Variants in PRR16 observed in about 807,000 individuals in gnomAD.
The protein encoded by PRR16 is protein Largen.
In PRR16, 6 loss-of-function variants were observed where a neutral mutation model predicts 18.2. The ratio of observed to expected loss-of-function variants is 0.33; its 90% CI spans 0.18 to 0.65. PRR16 has a LOEUF of 0.65. PRR16 is among the 30% of genes least tolerant of loss of function. The probability of loss-of-function intolerance (pLI) is 0.74; values close to 1 mark genes in which losing one functional copy is unlikely to be tolerated. For missense variants in PRR16, 412 were observed against 376.6 expected, an observed-to-expected ratio of 1.09 and a Z score of -0.78; for synonymous variants, 151 against 147.8, an observed-to-expected ratio of 1.02 and a Z score of -0.16.
chr5:120,642,971 C>G (rs1755472053), intron 1 of PRR16, among the ~76,000 whole-genome samples: 2 of 151,982 alleles, frequency 1.3e-5, no homozygotes. Context: ...TCTTTCTGCC[C>G]ATAGTTAGTC....
the PRR16 span, among the ~76,000 whole-genome samples, chr5:120,775,694 A>G: frequency 1.4e-5 from 2 of 144,294 alleles, no homozygotes; most frequent in African/African-American, 5.2e-5. Flanking sequence ...GCAATGGCAC[A>G]TTCTCGGCTC....
downstream of PRR16, among the ~76,000 whole-genome samples, chr5:120,688,848 T>C (rs1223084910): frequency 1.3e-5 from 2 of 152,186 alleles, no homozygotes; most frequent in African/African-American, 2.4e-5. Flanking sequence ...AATTTAATCG[T>C]TCAAGCTGGT....
chr5:120,665,414 T>G (rs1014353129), intron 1 of PRR16, among the ~76,000 whole-genome samples: 3 of 152,004 alleles, frequency 2.0e-5, no homozygotes, highest in African/African-American at 7.2e-5. Context: ...GGTTGCCTGT[T>G]CACTCTGATG....
At chr5:120,609,150 A>G (rs987409002) in intron 1 of PRR16, among the ~76,000 whole-genome samples, 6 of 152,006 alleles carry the variant, frequency 3.9e-5, no homozygotes, top group Admixed American at 1.3e-4. Context: ...TATTTGTACA[A>G]TTCAATTGTT....
chr5:120,595,017 T>G (rs929203793), intron 1 of PRR16, among the ~76,000 whole-genome samples: 2 of 151,982 alleles, frequency 1.3e-5, no homozygotes, highest in Non-Finnish European at 2.9e-5. Context: ...GAAGATAACC[T>G]AGGAAATATA....
At chr5:120,653,102 A>C (rs934580798) in intron 1 of PRR16, among the ~76,000 whole-genome samples, 1 of 151,992 alleles carries the variant, frequency 6.6e-6, no homozygotes, top group African/African-American at 2.4e-5. Context: ...AATTCATGCT[A>C]TTATAAATCA....
chr5:120,633,657 C>A (rs952223799), intron 1 of PRR16, among the ~76,000 whole-genome samples: 8 of 151,992 alleles, frequency 5.3e-5, no homozygotes, highest in African/African-American at 1.9e-4. Context: ...AAAGAACTAG[C>A]CTGACAGGAA....
chr5:120,643,698 A>G (rs1164609731), intron 1 of PRR16, among the ~76,000 whole-genome samples: 1 of 152,068 alleles, frequency 6.6e-6, no homozygotes, highest in Non-Finnish European at 1.5e-5. Context: ...AGAATTGAAG[A>G]TAACCTTAAA....
the PRR16 span, among the ~76,000 whole-genome samples, chr5:120,783,969 T>C: frequency 6.6e-6 from 1 of 152,166 alleles, no homozygotes; most frequent in East Asian, 1.9e-4. Flanking sequence ...TGTGTATTTG[T>C]CTTGCTGTGG....
chr5:120,761,960 G>A, the PRR16 span, among the ~76,000 whole-genome samples: 44 of 151,952 alleles, frequency 2.9e-4, no homozygotes, highest in African/African-American at 8.4e-4. Flanking sequence ...ATATATGAGC[G>A]AAAATATGCA....
intron 1 of PRR16, among the ~76,000 whole-genome samples, chr5:120,586,439 A>G (rs75735791): frequency 0.056 from 8,495 of 152,190 alleles, 314 homozygotes; most frequent in South Asian, 0.082. Context: ...TTTTTCACCA[A>G]TTGAAGGTTT....
the PRR16 span, among the ~76,000 whole-genome samples, chr5:120,776,738 A>T: frequency 6.6e-6 from 1 of 152,146 alleles, no homozygotes; most frequent in Non-Finnish European, 1.5e-5. Context: ...CTTCATTGCA[A>T]TCTTTGTTAA....
intron 1 of PRR16, among the ~76,000 whole-genome samples, chr5:120,642,505 G>A (rs1464709860): frequency 1.3e-5 from 2 of 151,906 alleles, no homozygotes; most frequent in Non-Finnish European, 2.9e-5. Context: ...GAAAATCGCT[G>A]ATCTGTATAA....
the PRR16 span, among the ~76,000 whole-genome samples, chr5:120,759,700 T>G: frequency 6.6e-6 from 1 of 152,168 alleles, no homozygotes; most frequent in Non-Finnish European, 1.5e-5. Flanking sequence ...TTAAAAGTTT[T>G]GGAGATCACA....
At chr5:120,769,016 T>A in the PRR16 span, among the ~76,000 whole-genome samples, 1 of 151,704 alleles carries the variant, frequency 6.6e-6, no homozygotes, top group Admixed American at 6.6e-5. Context: ...TCCGCCAACA[T>A]GTACCTGATC....
rs373407808 is a variant in PRR16, at chr5:120,516,523, A to G, written c.159+51878A>G. On this transcript the variant is annotated intron_variant, in intron 1 of 1. Transcript: ENST00000407149. ...CACACACACACACACACGCATATACATTAACAATTAGAAGGCATTTATACT... is the reference window on the plus strand; with the variant it reads ...CACACACACACACACACGCATATACGTTAACAATTAGAAGGCATTTATACT... Among the ~76,000 whole-genome samples the G allele has an allele frequency of 9.2e-4, 137 of 149,256 alleles. 1 individual carries two copies. Among genetic ancestry groups the G allele is most frequent in the Middle Eastern group, 3.4e-3 (1 of 290 alleles).
At chr5:120,605,659 A>G (rs979643218) in intron 1 of PRR16, among the ~76,000 whole-genome samples, 3 of 152,056 alleles carry the variant, frequency 2.0e-5, no homozygotes, top group Non-Finnish European at 4.4e-5. Context: ...TCTACCTTTA[A>G]TCTTTGAAGT....
At chr5:120,637,711 G>A (rs576931250) in intron 1 of PRR16, among the ~76,000 whole-genome samples, 10 of 152,228 alleles carry the variant, frequency 6.6e-5, no homozygotes, top group African/African-American at 2.2e-4. Flanking sequence ...CTGCTCGGGT[G>A]ATGGGTATGC....
At chr5:120,511,754 T>A (rs1325082573) in intron 1 of PRR16, among the ~76,000 whole-genome samples, 3 of 152,202 alleles carry the variant, frequency 2.0e-5, no homozygotes, top group Non-Finnish European at 2.9e-5. Flanking sequence ...TTTGAAACAC[T>A]AGCTAGGCAA....
Sources: allele counts gnomAD v4.1 joint callset (sites outside exome capture counted in the v4.1 genomes callset), GRCh38; gene constraint gnomAD v4.1.1; transcripts MANE v1.5; gene names NCBI Gene and HGNC (gene_info 2026-07-23, HGNC 2026-07-21).